The following SLC22A25 variants were observed in gnomAD, a reference collection of about 807,000 sequenced individuals.
SLC22A25 encodes MGI:2442751, MGI:2385316, MGI:3042283, MGI:3645714, MGI:3605624, MGI:2442750.
SLC22A25 carries 44 observed loss-of-function variants against 45.9 expected under a neutral mutation model. The observed-to-expected ratio is 0.96, with a 90% confidence interval of 0.75 to 1.23. The LOEUF is 1.23. Ranked by LOEUF, SLC22A25 falls within the 50% of genes most tolerant of loss-of-function variation. The probability of loss-of-function intolerance (pLI) is 0.00; values close to 1 mark genes in which losing one functional copy is unlikely to be tolerated. For synonymous variants in SLC22A25, 283 were observed against 238.6 expected (o/e 1.19, Z -1.72); for missense variants, 800 against 666.4 (o/e 1.20, Z -2.21).
intron 7 of SLC22A25, among the ~76,000 whole-genome samples, chr11:63,188,908 A>G (rs968903144): frequency 6.6e-6 from 1 of 152,118 alleles, no homozygotes; most frequent in Non-Finnish European, 1.5e-5. Context: ...GTGGTCTGAG[A>G]GACAGTTTGT....
intron 8 of SLC22A25, among the ~76,000 whole-genome samples, chr11:63,181,139 C>T (rs2088304140): frequency 6.6e-6 from 1 of 152,092 alleles, no homozygotes; most frequent in African/African-American, 2.4e-5. Flanking sequence ...ACCTGGTTCT[C>T]AGCTGAACTG....
chr11:63,165,663 C>G (rs1016013979), intron 10 of SLC22A25, among the ~76,000 whole-genome samples: 3 of 152,156 alleles, frequency 2.0e-5, no homozygotes, highest in African/African-American at 7.2e-5. Flanking sequence ...AGAGCCCAGA[C>G]AGAGGAAATA....
chr11:63,225,015 C>T (rs891082190), intron 5 of SLC22A25, among the ~76,000 whole-genome samples: 1 of 152,138 alleles, frequency 6.6e-6, no homozygotes, highest in Non-Finnish European at 1.5e-5. Flanking sequence ...AGGAGAATGG[C>T]GTGAACCCAG....
rs1017902299 is a variant in SLC22A25, at chr11:63,238,698, G to C, written c.-577+19C>G. On this transcript the variant is annotated intron_variant, in intron 2 of 11. Coordinates refer to ENST00000306494, the MANE Select transcript of SLC22A25 (RefSeq NM_199352.6). Reference sequence around the variant, plus strand: ...AAACACTGTAGTTGTGTATGTAGGAGGAAATTGGGGCCTCTTACCCAGTCA... The same window carrying C: ...AAACACTGTAGTTGTGTATGTAGGACGAAATTGGGGCCTCTTACCCAGTCA... 5.4e-6 allele frequency: 1 copy of C among 183,896 alleles called. No homozygotes were observed. The highest frequency in any genetic ancestry group is 5.5e-5 in the Admixed American group (1 of 18,144). The allele number at this position is 183,896 out of a possible 1,614,324, so 11.4% of individuals were successfully genotyped here. A position where few individuals can be genotyped will look rare whatever the true frequency, so the allele number is the denominator to read the frequency against.
Position 63,183,657 on chromosome 11 carries a change from T to A in SLC22A25, c.954+37A>T, listed in dbSNP as rs762240121. ...ACAAGTATAGATGACAATTTATGTCTTCCCAGCATCCCATATCCAGCTCCC... is the reference window on the plus strand; with the variant it reads ...ACAAGTATAGATGACAATTTATGTCATCCCAGCATCCCATATCCAGCTCCC... On this transcript the variant is annotated intron_variant, in intron 8 of 11. Coordinates refer to ENST00000306494, the MANE Select transcript of SLC22A25 (RefSeq NM_199352.6). The A allele has an allele frequency of 3.7e-6, 6 of 1,611,238 alleles. No individual in the cohort carries two copies. In the South Asian group the frequency reaches 6.6e-5, roughly 18 times the overall value.
At position 63,228,564 on chromosome 11, in the gene SLC22A25, A is replaced by C. The variant is rs1227825029; in HGVS notation, c.403T>G (p.Trp135Gly). The C allele has an allele frequency of 2.5e-6, 4 of 1,611,142 alleles. No individual in the cohort carries two copies. In the Admixed American group the frequency reaches 6.7e-5, roughly 27 times the overall value. The change falls in exon 5 of 12, where the codon TGG becomes GGG. Residue 135 changes from tryptophan (W) to glycine (G), a missense_variant and splice_region_variant. Physicochemically the swap from Trp to Gly is radical, Grantham distance 184 (BLOSUM62 -2). Coordinates refer to ENST00000306494, the MANE Select transcript of SLC22A25 (RefSeq NM_199352.6). The part of the protein sequence containing the change: ...SSFPSTIVTK[W>G]DLVCESQPLN... ...GGTTGAGATTCGCATACCAGATCCCACTGGAAGAAAAGGAAACCCTCATAT... is the reference window on the plus strand; with the variant it reads ...GGTTGAGATTCGCATACCAGATCCCCCTGGAAGAAAAGGAAACCCTCATAT...
intron 3 of SLC22A25, among the ~76,000 whole-genome samples, chr11:63,235,102 G>C (rs1178299333): frequency 1.3e-5 from 2 of 152,160 alleles, no homozygotes; most frequent in Admixed American, 1.3e-4. Flanking sequence ...CAACTTTGGT[G>C]AATCTGATAA....
rs1236432999 is a variant in SLC22A25 at position 63,167,010 on chromosome 11, G to T, written c.1071-752C>A. 22 of 260,094 alleles carry T rather than the reference G, an allele frequency of 8.5e-5. No individual in the cohort carries two copies. The South Asian group carries it at 3.0e-3, about 36-fold the overall frequency. 16.1% of individuals were successfully genotyped at this position (260,094 alleles called of 1,614,324 possible). A position where few individuals can be genotyped will look rare whatever the true frequency, so the allele number is the denominator to read the frequency against. ...TCTCACTGGGACTGGTTAGACAGCG[G>T]GTGGGTGCAGCCCACGGAGGGTAAG... On this transcript the variant is annotated intron_variant, in intron 9 of 11. Transcript: ENST00000306494.
At chr11:63,180,623 C>T in intron 9 of SLC22A25, 37 bp downstream of exon 9, 2 of 1,414,884 alleles carry the variant, frequency 1.4e-6, no homozygotes, top group Non-Finnish European at 9.8e-7. Context: ...TATGTCTCCT[C>T]TATTTTAACA....
intron 7 of SLC22A25, among the ~76,000 whole-genome samples, 194 bp downstream of exon 7, chr11:63,217,120 A>T (rs762190178): frequency 2.7e-4 from 41 of 152,214 alleles, no homozygotes; most frequent in Non-Finnish European, 5.7e-4. Context: ...ATTATCTTAT[A>T]TTCAAATTTA....
chr11:63,176,801 AG>A (rs1313487128), intron 9 of SLC22A25, among the ~76,000 whole-genome samples: 1 of 152,036 alleles, frequency 6.6e-6, no homozygotes, highest in Non-Finnish European at 1.5e-5. Flanking sequence ...TTTTTCATCG[AG>A]TATGATGTTA....
chr11:63,181,294 G>A (rs1444394100), intron 8 of SLC22A25, among the ~76,000 whole-genome samples: 2 of 151,948 alleles, frequency 1.3e-5, no homozygotes, highest in East Asian at 1.9e-4. Flanking sequence ...TATACTTTAA[G>A]TTTTAGGGTA....
chr11:63,187,652 G>T (rs2088614369), intron 7 of SLC22A25, among the ~76,000 whole-genome samples: 1 of 152,106 alleles, frequency 6.6e-6, no homozygotes, highest in South Asian at 2.1e-4. Context: ...TCCGGTTTTT[G>T]CCCATTCAGT....
chr11:63,238,855 C>A lies in SLC22A25; in HGVS notation c.-715G>T. On this transcript the variant is annotated 5_prime_UTR_variant, in exon 2 of 12. Coordinates refer to ENST00000306494, the MANE Select transcript of SLC22A25 (RefSeq NM_199352.6). ...CCACTGGGGATGGATGAAGTGACAA[C>A]GTTTCTGTGGCCTCAGGTTTGAGTC... The A allele has an allele frequency of 4.0e-6, 1 of 249,460 alleles. No homozygotes were observed. Among genetic ancestry groups the A allele is most frequent in the Non-Finnish European group, 8.5e-6 (1 of 117,472 alleles). The allele number at this position is 249,460 out of a possible 1,614,324, so 15.5% of individuals were successfully genotyped here. A position where few individuals can be genotyped will look rare whatever the true frequency, so the allele number is the denominator to read the frequency against.
At chr11:63,180,609 G>T in intron 9 of SLC22A25, 51 bp downstream of exon 9, 1 of 1,274,836 alleles carries the variant, frequency 7.8e-7, no homozygotes. Flanking sequence ...ATAAGAAATG[G>T]ATTTATGTCT....
chr11:63,217,651 G>A lies in SLC22A25; in HGVS notation c.591C>T (p.Leu197=), dbSNP rs117914773. Residue 197 remains leucine, a synonymous_variant, in exon 6 of 12, where the codon CTC becomes CTT. Transcript: ENST00000306494. ...GTCAAFAPTI[L]VYCSLRFLAG... ...CCAAGAAGCGCAGGGAGCAGTATAC[G>A]AGGATGGTGGGAGCAAAGGCCGCAC... 8,429 of 1,613,998 alleles carry A rather than the reference G, an allele frequency of 5.2e-3. 58 individuals are homozygous for A. The highest frequency in any genetic ancestry group is 8.8e-3 in the South Asian group (799 of 91,078).
rs1351882508 is a variant in SLC22A25 at position 63,229,688 on chromosome 11, A to G, written c.-36T>C. On this transcript the variant is annotated 5_prime_UTR_variant, in exon 4 of 12. Coordinates refer to ENST00000306494, the MANE Select transcript of SLC22A25 (RefSeq NM_199352.6). The stretch of plus-strand genomic sequence containing the variant: ...CAAGTGATCCCCAAGAGGAGACAAA[A>G]TGACTGTATCCAGATAAGTTCAAAG... The G allele has an allele frequency of 2.5e-6, 4 of 1,576,836 alleles. No individual in the cohort carries two copies. The highest frequency in any genetic ancestry group is 3.5e-5 in the Admixed American group (2 of 57,676).
intron 7 of SLC22A25, among the ~76,000 whole-genome samples, chr11:63,203,141 AC>A (rs1378292499): frequency 5.3e-5 from 8 of 152,000 alleles, no homozygotes; most frequent in Non-Finnish European, 1.2e-4. Context: ...TCACACAAAA[AC>A]CCCATCTGAA....
rs1020892248 is a variant in SLC22A25 at position 63,229,462 on chromosome 11, G to T, written c.191C>A (p.Pro64His). The change falls in exon 4 of 12, where the codon CCT becomes CAT. Residue 64 changes from proline to histidine, a missense_variant. By Grantham distance (77) the Pro-to-His change is moderately conservative. Coordinates refer to ENST00000306494, the MANE Select transcript of SLC22A25 (RefSeq NM_199352.6). ...LDNDTIPDNDPGTLSQDALLR... is the reference protein window; with the variant it reads ...LDNDTIPDNDHGTLSQDALLR... ...GAGGGCATCCTGGCTGAGGGTCCCA[G>T]GGTCATTGTCAGGGATAGTGTCATT... The T allele has an allele frequency of 6.2e-7, 1 of 1,614,134 alleles. No individual in the cohort carries two copies.
Sources: gnomAD v4.1 joint callset for allele counts (sites outside exome capture counted in the v4.1 genomes callset) on GRCh38, gnomAD v4.1.1 for gene constraint, MANE v1.5 for transcripts, NCBI Gene and HGNC (gene_info 2026-07-23, HGNC 2026-07-21) for gene names.